SS18L1: variants seen among roughly 807,000 people sequenced by gnomAD.
The protein encoded by SS18L1 is SS18L1 subunit of BAF chromatin remodeling complex.
A neutral mutation model predicts 70.3 loss-of-function variants in SS18L1; 32 were observed. The observed-to-expected ratio is 0.46, with a 90% CI of 0.34 to 0.61. The LOEUF is 0.61. Among genes scored for constraint, SS18L1 ranks in the 20% least tolerant of loss-of-function variants. SS18L1 has a pLI of 0.01. For synonymous variants in SS18L1, 237 were observed against 229.7 expected (o/e 1.03, Z -0.29); for missense variants, 430 against 542.1 (o/e 0.79, Z 2.05).
intron 1 of SS18L1, among the ~76,000 whole-genome samples, chr20:62,155,012 A>G (rs2057197430): frequency 2.0e-5 from 3 of 152,112 alleles, no homozygotes; most frequent in Admixed American, 1.3e-4. Flanking sequence ...TGTTGTTTCT[A>G]ACTGGCATCA....
At chr20:62,178,857 G>T (rs1256784379) in intron 10 of SS18L1, among the ~76,000 whole-genome samples, 2 of 152,208 alleles carry the variant, frequency 1.3e-5, no homozygotes, top group African/African-American at 4.8e-5. Flanking sequence ...GATGGTGTTT[G>T]CATTGGCTCC....
intron 1 of SS18L1, chr20:62,154,208 A>T: frequency 2.0e-6 from 1 of 508,852 alleles, no homozygotes; most frequent in Non-Finnish European, 2.6e-6. Flanking sequence ...ATTAAGGATT[A>T]CTGGAAGGAC....
At chr20:62,173,255 G>A (rs1413717388) in intron 9 of SS18L1, among the ~76,000 whole-genome samples, 1 of 152,144 alleles carries the variant, frequency 6.6e-6, no homozygotes, top group Non-Finnish European at 1.5e-5. Context: ...AATCACCCAG[G>A]AAACTTCTGA....
At chr20:62,175,899 G>C (rs1352305302) in intron 10 of SS18L1, among the ~76,000 whole-genome samples, 1 of 151,476 alleles carries the variant, frequency 6.6e-6, no homozygotes, top group Non-Finnish European at 1.5e-5. Flanking sequence ...TGTCAGGAGG[G>C]CTCTGGTGTG....
chr20:62,149,034 G>C (rs757811545), intron 1 of SS18L1, among the ~76,000 whole-genome samples: 1 of 152,244 alleles, frequency 6.6e-6, no homozygotes, highest in Non-Finnish European at 1.5e-5. Flanking sequence ...TCGAGGCTCC[G>C]GCCCTTTGCG....
At chr20:62,154,306 C>A in intron 1 of SS18L1, 6 of 1,040,454 alleles carry the variant, frequency 5.8e-6, no homozygotes, top group Non-Finnish European at 6.9e-6. Context: ...GGCCAGTCAT[C>A]GAGTGCCCTT....
At chr20:62,150,559 C>T (rs2057108164) in intron 1 of SS18L1, among the ~76,000 whole-genome samples, 1 of 145,288 alleles carries the variant, frequency 6.9e-6, no homozygotes. Flanking sequence ...ATTTCAATGT[C>T]TGTCCAAGCA....
At chr20:62,154,796 ATTTGGGGG>A (rs1568741759) in intron 1 of SS18L1, among the ~76,000 whole-genome samples, 1 of 151,924 alleles carries the variant, frequency 6.6e-6, no homozygotes, top group African/African-American at 2.4e-5. Context: ...TGATTGAAGG[ATTTGGGGG>A]TGATTTCTTC....
chr20:62,174,815 G>C lies in SS18L1; in HGVS notation c.1164+171G>C. On this transcript the variant is annotated intron_variant, in intron 10 of 10. Coordinates refer to ENST00000331758, the MANE Select transcript of SS18L1 (RefSeq NM_198935.3). This position sits in a 1 kb window ranked among gnomAD's most constrained non-coding sequence, Gnocchi z 4.1. ...TAAGGTTTTGCAGAATTGCCTCTGTGTATACGCTCACCTCAGTCATCCAGC... is the reference window on the plus strand; with the variant it reads ...TAAGGTTTTGCAGAATTGCCTCTGTCTATACGCTCACCTCAGTCATCCAGC... 1 of 1,505,428 alleles carries C rather than the reference G, an allele frequency of 6.6e-7. No homozygotes were observed. The highest frequency in any genetic ancestry group is 8.9e-7 in the Non-Finnish European group (1 of 1,124,542). 93.3% of individuals were successfully genotyped at this position (1,505,428 alleles called of 1,614,324 possible). A position where few individuals can be genotyped will look rare whatever the true frequency, so the allele number is the denominator to read the frequency against.
intron 1 of SS18L1, 42 bp downstream of exon 1, chr20:62,143,931 G>A (rs2056971224): frequency 5.0e-6 from 5 of 1,001,244 alleles, no homozygotes; most frequent in Non-Finnish European, 6.0e-6. Flanking sequence ...GCGGGTCTGC[G>A]GGCGGGCGCG....
rs189506015 is a variant in SS18L1, at chr20:62,146,972, C to G, written c.69+3083C>G. ...GGACTCTAGTCACTGGTTTTAGGGCCTACCTTAATCCAGCATGACCCCGTC... is the reference window on the plus strand; with the variant it reads ...GGACTCTAGTCACTGGTTTTAGGGCGTACCTTAATCCAGCATGACCCCGTC... On this transcript the variant is annotated intron_variant, in intron 1 of 10. Transcript: ENST00000331758. 1.5e-3 allele frequency among the ~76,000 whole-genome samples: 226 copies of G among 152,266 alleles called. 1 individual carries two copies. Among genetic ancestry groups the G allele is most frequent in the African/African-American group, 4.2e-3 (173 of 41,556 alleles).
At chr20:62,163,389 G>T in intron 5 of SS18L1, 69 bp from the exon 6 acceptor site, 12 of 1,567,032 alleles carry the variant, frequency 7.7e-6, no homozygotes, top group Non-Finnish European at 1.0e-5. Context: ...GGCGCAGGAG[G>T]TAGTTGGGTG....
intron 7 of SS18L1, among the ~76,000 whole-genome samples, chr20:62,164,479 C>T (rs144116640): frequency 2.0e-5 from 3 of 152,226 alleles, no homozygotes; most frequent in Non-Finnish European, 4.4e-5. Context: ...TGGCACACAC[C>T]GCTGCACTGG....
chr20:62,164,194 C>T lies in SS18L1; in HGVS notation c.771C>T (p.Tyr257=), dbSNP rs1482604480. 1.3e-6 allele frequency: 2 copies of T among 1,549,996 alleles called. No individual in the cohort carries two copies. Among genetic ancestry groups the T allele is most frequent in the African/African-American group, 2.7e-5 (2 of 73,046 alleles). The change falls in exon 7 of 11, where the codon TAC becomes TAT. Residue 257 remains tyrosine, a synonymous_variant. Transcript: ENST00000331758. ...AGGAGGAGTACTATGGCGAGCAGTA[C>T]AGCCACAGCCAGGGCGCCGCGGAGC... ...LGQEEYYGEQ[Y]SHSQGAAEPM... is the part of the protein sequence containing the mutation.
At chr20:62,170,206 T>C (rs2057505641) in intron 8 of SS18L1, among the ~76,000 whole-genome samples, 1 of 152,138 alleles carries the variant, frequency 6.6e-6, no homozygotes, top group South Asian at 2.1e-4. Flanking sequence ...TGCCAGAGGA[T>C]TCTTAGAGAA....
chr20:62,160,743 C>T (rs1432807302), intron 3 of SS18L1, among the ~76,000 whole-genome samples: 1 of 152,096 alleles, frequency 6.6e-6, no homozygotes, highest in Non-Finnish European at 1.5e-5. Flanking sequence ...CAGGATGTGT[C>T]TTGCGAGTAA....
At chr20:62,166,135 T>C (rs1015627554) in intron 8 of SS18L1, among the ~76,000 whole-genome samples, 5 of 152,146 alleles carry the variant, frequency 3.3e-5, no homozygotes, top group African/African-American at 1.2e-4. Context: ...AATGTGGAGT[T>C]GGGAAGAGGT....
At position 62,174,672 on chromosome 20, in the gene SS18L1, G is replaced by A; in HGVS notation, c.1164+28G>A. 6.2e-7 allele frequency: 1 copy of A among 1,613,152 alleles called. No individual in the cohort carries two copies. The highest frequency in any genetic ancestry group is 8.5e-7 in the Non-Finnish European group (1 of 1,179,968). Reference sequence around the variant, plus strand: ...AAGCTTTCTGGATGTTTCCAGATGTGCCCATCCGCCGCGCCTGTCGAGACA... The same window carrying A: ...AAGCTTTCTGGATGTTTCCAGATGTACCCATCCGCCGCGCCTGTCGAGACA... On this transcript the variant is annotated intron_variant, in intron 10 of 10. Transcript: ENST00000331758. The surrounding 1 kb of genome is among the most constrained non-coding windows in gnomAD (Gnocchi z 4.1).
chr20:62,178,201 C>T (rs1322660326), intron 10 of SS18L1, among the ~76,000 whole-genome samples: 2 of 140,390 alleles, frequency 1.4e-5, no homozygotes, highest in East Asian at 2.2e-4. Flanking sequence ...CACTGGAATA[C>T]AGTGGCATGA....
Sources: allele counts gnomAD v4.1 joint callset (sites outside exome capture counted in the v4.1 genomes callset), GRCh38; gene constraint gnomAD v4.1.1; non-coding constraint Gnocchi (gnomAD v3.1); transcripts MANE v1.5; gene names NCBI Gene and HGNC (gene_info 2026-07-23, HGNC 2026-07-21).